Variants in LRMDA observed in about 807,000 individuals in gnomAD.
LRMDA encodes leucine-rich melanocyte differentiation-associated protein.
In LRMDA, 18 loss-of-function variants were observed where a neutral mutation model predicts 29.8. The observed-to-expected ratio is 0.60, with a 90% confidence interval of 0.42 to 0.90. LRMDA has a LOEUF of 0.90. Ranked by LOEUF, LRMDA falls within the 40% of genes least tolerant of loss-of-function variation. LRMDA has a pLI of 0.00. For missense variants in LRMDA, 273 were observed against 273.9 expected (o/e 1.00, Z 0.02); for synonymous variants, 125 against 109.4 (o/e 1.14, Z -0.89).
At chr10:75,958,357 G>A (rs1052490118) in intron 2 of LRMDA, among the ~76,000 whole-genome samples, 2 of 152,146 alleles carry the variant, frequency 1.3e-5, no homozygotes, top group African/African-American at 2.4e-5. Flanking sequence ...GCGGTATTCC[G>A]GTCAATTCAA....
At chr10:76,071,640 T>C (rs944414596) in intron 5 of LRMDA, among the ~76,000 whole-genome samples, 4 of 152,208 alleles carry the variant, frequency 2.6e-5, no homozygotes, top group Non-Finnish European at 4.4e-5. Context: ...CCTCCCCTCT[T>C]CCTTTGCACA....
chr10:75,974,349 A>G (rs1308483117), intron 2 of LRMDA, among the ~76,000 whole-genome samples: 1 of 152,138 alleles, frequency 6.6e-6, no homozygotes, highest in Non-Finnish European at 1.5e-5. Flanking sequence ...CCTCCAAAAT[A>G]TCATTGTTAG....
intron 2 of LRMDA, among the ~76,000 whole-genome samples, chr10:76,013,523 G>T (rs115858444): frequency 1.3e-5 from 2 of 152,088 alleles, no homozygotes; most frequent in African/African-American, 4.8e-5. Context: ...GGGTCTGTGG[G>T]TATACAAAGA....
At chr10:76,318,767 T>C (rs1840731901) in intron 5 of LRMDA, 1 of 152,288 alleles carries the variant, frequency 6.6e-6, no homozygotes, top group Admixed American at 6.5e-5. Flanking sequence ...CACCTTAATC[T>C]GTGAGAGGGG....
chr10:75,851,792 G>A (rs1421219259), intron 2 of LRMDA, among the ~76,000 whole-genome samples: 6 of 152,170 alleles, frequency 3.9e-5, no homozygotes, highest in African/African-American at 1.4e-4. Context: ...TTCTGAAGAC[G>A]ACAGTGTTAT....
chr10:76,091,002 A>G (rs918061704), intron 5 of LRMDA, among the ~76,000 whole-genome samples: 4 of 152,228 alleles, frequency 2.6e-5, no homozygotes, highest in South Asian at 2.1e-4. Flanking sequence ...TGTGTATTTT[A>G]CCACATATAA....
chr10:76,462,853 G>A (rs1402566391), intron 6 of LRMDA, among the ~76,000 whole-genome samples: 2 of 152,190 alleles, frequency 1.3e-5, no homozygotes, highest in Non-Finnish European at 2.9e-5. Flanking sequence ...CATAATTAAA[G>A]AAAACACCTG....
chr10:76,080,408 T>C (rs1250983377), intron 5 of LRMDA, among the ~76,000 whole-genome samples: 7 of 152,204 alleles, frequency 4.6e-5, no homozygotes, highest in Admixed American at 4.6e-4. Flanking sequence ...ATTTAGCATC[T>C]TCTACTACAC....
chr10:75,475,771 TTAAAC>T (rs1200358050), intron 2 of LRMDA, among the ~76,000 whole-genome samples: 4 of 152,166 alleles, frequency 2.6e-5, no homozygotes, highest in African/African-American at 9.7e-5. Flanking sequence ...TGGCTTAAAA[TTAAAC>T]CTAATCAGGA....
intron 2 of LRMDA, among the ~76,000 whole-genome samples, chr10:75,545,511 G>T (rs763895307): frequency 7.2e-5 from 11 of 152,090 alleles, no homozygotes; most frequent in African/African-American, 4.8e-5. Flanking sequence ...TGATATCATA[G>T]GACACTGTGG....
At chr10:76,013,674 G>GT (rs1368044422) in intron 2 of LRMDA, among the ~76,000 whole-genome samples, 1 of 152,026 alleles carries the variant, frequency 6.6e-6, no homozygotes, top group Non-Finnish European at 1.5e-5. Flanking sequence ...ACAGAGGGAG[G>GT]TGGGGGGGAA....
At chr10:75,672,652 C>T (rs973899130) in intron 2 of LRMDA, among the ~76,000 whole-genome samples, 1 of 141,038 alleles carries the variant, frequency 7.1e-6, no homozygotes, top group African/African-American at 2.7e-5. Context: ...CATCTCAGCT[C>T]ACTGCCACCT....
intron 6 of LRMDA, among the ~76,000 whole-genome samples, chr10:76,425,024 C>G (rs921565688): frequency 1.4e-4 from 22 of 152,268 alleles, no homozygotes; most frequent in African/African-American, 5.1e-4. Flanking sequence ...TGTGAACCTC[C>G]CCATTGCATT....
At chr10:76,538,487 T>TATAC (rs1843314566) in intron 6 of LRMDA, among the ~76,000 whole-genome samples, 1 of 135,122 alleles carries the variant, frequency 7.4e-6, no homozygotes, top group Non-Finnish European at 1.6e-5. Flanking sequence ...TACATATTTA[T>TATAC]ATAGTTATAT....
At chr10:75,751,478 A>G (rs1455158896) in intron 2 of LRMDA, among the ~76,000 whole-genome samples, 1 of 152,232 alleles carries the variant, frequency 6.6e-6, no homozygotes, top group Non-Finnish European at 1.5e-5. Flanking sequence ...AAATAATTTC[A>G]GTTATCTTAC....
intron 5 of LRMDA, among the ~76,000 whole-genome samples, chr10:76,178,718 A>G (rs1850987121): frequency 6.6e-6 from 1 of 152,158 alleles, no homozygotes; most frequent in Non-Finnish European, 1.5e-5. Context: ...GAACAAAACA[A>G]TATTTCCCTC....
At chr10:76,390,586 G>A (rs568487000) in intron 6 of LRMDA, among the ~76,000 whole-genome samples, 1 of 151,982 alleles carries the variant, frequency 6.6e-6, no homozygotes, top group South Asian at 2.1e-4. Context: ...TACCTGTGTA[G>A]CCATTCTGGC....
At chr10:75,994,775 C>T (rs112102075) in intron 2 of LRMDA, among the ~76,000 whole-genome samples, 14 of 152,244 alleles carry the variant, frequency 9.2e-5, no homozygotes, top group African/African-American at 2.4e-4. Flanking sequence ...GCTTTCACAC[C>T]GAAAAAATAT....
intron 6 of LRMDA, among the ~76,000 whole-genome samples, chr10:76,503,067 C>G (rs1001642355): frequency 4.6e-5 from 7 of 151,886 alleles, no homozygotes; most frequent in African/African-American, 1.7e-4. Context: ...GAAGTATGTT[C>G]TTTTAACACA....
Sources: gnomAD v4.1 joint callset for allele counts (sites outside exome capture counted in the v4.1 genomes callset) on GRCh38, gnomAD v4.1.1 for gene constraint, MANE v1.5 for transcripts, NCBI Gene and HGNC (gene_info 2026-07-23, HGNC 2026-07-21) for gene names.